Variants in SFXN1 observed in about 807,000 individuals in gnomAD.
SFXN1 encodes sideroflexin 1, also known as sideroflexin-1.
In SFXN1, 32 loss-of-function variants were observed where a neutral mutation model predicts 39.5. The ratio of observed to expected loss-of-function variants is 0.81; its 90% CI spans 0.61 to 1.09. The LOEUF is 1.09. Ranked by LOEUF, SFXN1 falls within the 50% of genes least tolerant of loss-of-function variation. The pLI, the probability that SFXN1 is intolerant of heterozygous loss-of-function variation, is 0.00. For missense variants in SFXN1, 402 were observed against 407.1 expected (o/e 0.99, Z 0.11); for synonymous variants, 136 against 146.5 (o/e 0.93, Z 0.52).
intron 1 of SFXN1, among the ~76,000 whole-genome samples, chr5:175,480,357 C>A (rs1289522653): frequency 6.6e-6 from 1 of 151,764 alleles, no homozygotes. Flanking sequence ...GCCGAGATCG[C>A]GCCACTGCAC....
In SFXN1 at chr5:175,496,004, G is replaced by A. The variant is rs1355860887; in HGVS notation, c.164+3737G>A. ...CAACCTCCGCCTCCCAGGTTCAAGCGATTCTTCTGCCTCAGCCTCCCGAGT... is the reference window on the plus strand; with the variant it reads ...CAACCTCCGCCTCCCAGGTTCAAGCAATTCTTCTGCCTCAGCCTCCCGAGT... On this transcript the variant is annotated intron_variant, in intron 2 of 10. Transcript: ENST00000321442. Among the ~76,000 whole-genome samples the A allele has an allele frequency of 4.0e-5, 6 of 148,438 alleles. No individual in the cohort carries two copies. The East Asian group carries it at 8.8e-4, about 22-fold the overall frequency.
chr5:175,524,603 C>T (rs1222050073), intron 10 of SFXN1, among the ~76,000 whole-genome samples: 2 of 149,134 alleles, frequency 1.3e-5, no homozygotes, highest in Non-Finnish European at 3.0e-5. Context: ...AATCAATGCA[C>T]TAAATGTCCC....
intron 7 of SFXN1, among the ~76,000 whole-genome samples, chr5:175,515,919 G>T (rs1340814970): frequency 6.6e-6 from 1 of 152,172 alleles, no homozygotes; most frequent in African/African-American, 2.4e-5. Context: ...AGTCCCGTCT[G>T]GGGGTGATGG....
At chr5:175,516,514 C>T in intron 7 of SFXN1, 100 bp from the exon 8 acceptor site, 1 of 1,019,530 alleles carries the variant, frequency 9.8e-7, no homozygotes, top group African/African-American at 1.6e-5. Context: ...GTGGAAATAG[C>T]CTAAAAGTGA....
Position 175,526,312 on chromosome 5 carries a change from G to A in SFXN1, c.873-326G>A, listed in dbSNP as rs1043523179. 2.0e-5 allele frequency among the ~76,000 whole-genome samples: 3 copies of A among 152,052 alleles called. No individual in the cohort carries two copies. In the South Asian group the frequency reaches 6.2e-4, roughly 32 times the overall value. On this transcript the variant is annotated intron_variant, in intron 10 of 10. Coordinates refer to ENST00000321442, the MANE Select transcript of SFXN1 (RefSeq NM_022754.7). ...ATTGATACGTTTTTCTTAGGAAGTG[G>A]CATTGCCACAAATGGTTTTTCCAAC...
chr5:175,490,147 G>A (rs1759604672), intron 1 of SFXN1, among the ~76,000 whole-genome samples: 2 of 152,212 alleles, frequency 1.3e-5, no homozygotes, highest in South Asian at 4.2e-4. Context: ...GTCAAGAGTG[G>A]GATGTTTCAC....
At chr5:175,479,534 C>T (rs548604917) in intron 1 of SFXN1, among the ~76,000 whole-genome samples, 2 of 152,150 alleles carry the variant, frequency 1.3e-5, no homozygotes, top group African/African-American at 4.8e-5. Flanking sequence ...AACACAAACT[C>T]TGGGTTTTTT....
At chr5:175,514,321 C>T (rs974611234) in intron 7 of SFXN1, among the ~76,000 whole-genome samples, 1 of 152,080 alleles carries the variant, frequency 6.6e-6, no homozygotes, top group East Asian at 1.9e-4. Context: ...GCTCAGGTTT[C>T]CCTATAGGGA....
At position 175,512,161 on chromosome 5, in the gene SFXN1, T is replaced by G. The variant is rs1225943309; in HGVS notation, c.561T>G (p.Ala187=). The G allele has an allele frequency of 1.7e-5, 27 of 1,614,100 alleles. No individual in the cohort carries two copies. Among genetic ancestry groups the G allele is most frequent in the Non-Finnish European group, 2.3e-5 (27 of 1,180,062 alleles). The change falls in exon 6 of 11, where the codon GCT becomes GCG. Residue 187 remains alanine, a synonymous_variant. Transcript: ENST00000321442. ...GRFVPFAAVA[A]ANCINIPLMR... The stretch of plus-strand genomic sequence containing the variant: ...TTGTTCCCTTTGCTGCCGTAGCTGC[T>G]GCTAATTGCATTAATATTCCATTAA...
chr5:175,510,387 C>T, intron 4 of SFXN1, 180 bp downstream of exon 4: 1 of 579,896 alleles, frequency 1.7e-6, no homozygotes, highest in East Asian at 3.1e-5. Flanking sequence ...TTTTCTCTCT[C>T]CCTATCAAGA....
chr5:175,493,598 G>A (rs557614259), intron 2 of SFXN1, among the ~76,000 whole-genome samples: 7 of 152,342 alleles, frequency 4.6e-5, no homozygotes, highest in Admixed American at 2.0e-4. Context: ...GGCAAAAGCC[G>A]TAGAAAGCAG....
rs202171511 is a variant in SFXN1 at position 175,480,176 on chromosome 5, C to T, written c.-10+1537C>T. On this transcript the variant is annotated intron_variant, in intron 1 of 10. Coordinates refer to ENST00000321442, the MANE Select transcript of SFXN1 (RefSeq NM_022754.7). ...CAGCACTTTGGGTGGCCGAGGCGGGCGGATCACGAGGTCAGGAGATCAAGA... is the reference window on the plus strand; with the variant it reads ...CAGCACTTTGGGTGGCCGAGGCGGGTGGATCACGAGGTCAGGAGATCAAGA... Among the ~76,000 whole-genome samples the T allele has an allele frequency of 6.2e-4, 94 of 152,172 alleles. No homozygotes were observed. The East Asian group carries it at 0.016, about 26-fold the overall frequency.
intron 7 of SFXN1, among the ~76,000 whole-genome samples, chr5:175,514,222 G>A (rs113786527): frequency 0.078 from 11,872 of 152,174 alleles, 530 homozygotes; most frequent in Admixed American, 0.11. Flanking sequence ...CTGGACCAGG[G>A]CCATACAGTG....
chr5:175,491,366 C>A (rs1040120606), intron 1 of SFXN1: 9 of 152,000 alleles, frequency 5.9e-5, no homozygotes, highest in Non-Finnish European at 1.2e-4. Context: ...AATCATTAGT[C>A]ATTTCTCCTA....
intron 4 of SFXN1, among the ~76,000 whole-genome samples, chr5:175,510,586 G>A (rs1380987532): frequency 2.0e-5 from 3 of 152,164 alleles, no homozygotes; most frequent in Admixed American, 6.5e-5. Context: ...AGACACCAAC[G>A]TTAAGAGTAG....
At chr5:175,490,634 A>T (rs1179104362) in intron 1 of SFXN1, among the ~76,000 whole-genome samples, 1 of 152,230 alleles carries the variant, frequency 6.6e-6, no homozygotes, top group Non-Finnish European at 1.5e-5. Flanking sequence ...TAAGTAAGCC[A>T]TGGTTTGAAG....
At chr5:175,488,509 G>A (rs997777927) in intron 1 of SFXN1, among the ~76,000 whole-genome samples, 9 of 152,000 alleles carry the variant, frequency 5.9e-5, no homozygotes, top group South Asian at 2.1e-4. Context: ...TCCATGTTGA[G>A]GCTGGTCTCG....
chr5:175,506,985 A>G (rs1760330613), intron 2 of SFXN1, among the ~76,000 whole-genome samples: 1 of 152,168 alleles, frequency 6.6e-6, no homozygotes, highest in Non-Finnish European at 1.5e-5. Flanking sequence ...TAAGGCTGCC[A>G]TAACAAATTG....
intron 2 of SFXN1, among the ~76,000 whole-genome samples, chr5:175,504,403 C>T (rs570094673): frequency 4.0e-5 from 6 of 151,114 alleles, no homozygotes; most frequent in Non-Finnish European, 5.9e-5. Context: ...GGTGAAACCC[C>T]GTCTCTACTA....
Sources: gnomAD v4.1 joint callset for allele counts (sites outside exome capture counted in the v4.1 genomes callset) on GRCh38, gnomAD v4.1.1 for gene constraint, MANE v1.5 for transcripts, NCBI Gene and HGNC (gene_info 2026-07-23, HGNC 2026-07-21) for gene names.